Variants in PPP1R12A observed in about 807,000 individuals in gnomAD.
PPP1R12A encodes protein phosphatase 1 regulatory subunit 12A.
A neutral mutation model predicts 139.6 loss-of-function variants in PPP1R12A; 19 were observed. That is an observed-to-expected ratio of 0.14 (90% CI 0.09 to 0.20). The LOEUF (loss-of-function observed/expected upper bound fraction) is 0.20. Among genes scored for constraint, PPP1R12A ranks in the 10% least tolerant of loss-of-function variants. PPP1R12A has a pLI of 1.00. For missense variants in PPP1R12A, 925 were observed against 1,211.5 expected (o/e 0.76, Z 3.51); for synonymous variants, 427 against 420.6 (o/e 1.02, Z -0.19).
At chr12:79,784,117 G>A (rs377660767) in intron 22 of PPP1R12A, among the ~76,000 whole-genome samples, 13 of 151,588 alleles carry the variant, frequency 8.6e-5, no homozygotes, top group African/African-American at 2.9e-4. Flanking sequence ...AATATCTGAC[G>A]CAAATATTTG....
At chr12:79,919,573 T>G (rs934204739) in intron 1 of PPP1R12A, among the ~76,000 whole-genome samples, 1 of 151,602 alleles carries the variant, frequency 6.6e-6, no homozygotes, top group African/African-American at 2.4e-5. Context: ...AAAAAAAGTC[T>G]TCTCCCCTCC....
intron 4 of PPP1R12A, among the ~76,000 whole-genome samples, 165 bp from the exon 5 acceptor site, chr12:79,828,629 C>G (rs750956490): frequency 2.0e-5 from 3 of 151,998 alleles, no homozygotes; most frequent in Non-Finnish European, 4.4e-5. Context: ...CAAAGTAATT[C>G]TCAGAAAAAA....
At chr12:79,782,627 CAAAACAAA>C (rs1479616090) in intron 22 of PPP1R12A, 3 of 419,180 alleles carry the variant, frequency 7.2e-6, no homozygotes, top group Admixed American at 2.9e-5. Flanking sequence ...AGTTTAAGAA[CAAAACAAA>C]AAAAGAAAAA....
rs573892023 is a variant in PPP1R12A, at chr12:79,888,432, C to A, written c.238-15494G>T. Among the ~76,000 whole-genome samples the A allele has an allele frequency of 1.1e-4, 16 of 152,130 alleles. No homozygotes were observed. In the South Asian group the frequency reaches 3.3e-3, roughly 32 times the overall value. ...ACAAGCAGCATGTGTAAAAAGTGAT[C>A]AGAGAAAGCTACATCAGAACCCAGA... On this transcript the variant is annotated intron_variant, in intron 1 of 24. Coordinates refer to ENST00000450142, the MANE Select transcript of PPP1R12A (RefSeq NM_002480.3).
At chr12:79,902,451 G>A (rs1249479040) in intron 1 of PPP1R12A, among the ~76,000 whole-genome samples, 7 of 151,622 alleles carry the variant, frequency 4.6e-5, no homozygotes, top group African/African-American at 1.5e-4. Context: ...ACCTCAAATT[G>A]AAAAAAAGTG....
At chr12:79,821,296 T>A (rs914822833) in intron 6 of PPP1R12A, 130 bp from the exon 7 acceptor site, 12 of 626,166 alleles carry the variant, frequency 1.9e-5, no homozygotes, top group African/African-American at 3.8e-5. Context: ...ATAAATAAAT[T>A]AAGTTTTACC....
At chr12:79,861,614 T>C (rs1881328094) in intron 2 of PPP1R12A, among the ~76,000 whole-genome samples, 1 of 152,116 alleles carries the variant, frequency 6.6e-6, no homozygotes, top group Non-Finnish European at 1.5e-5. Flanking sequence ...GCCCAAATAC[T>C]GCACTTCTCC....
At chr12:79,879,770 G>A (rs1051368291) in intron 1 of PPP1R12A, among the ~76,000 whole-genome samples, 1 of 151,938 alleles carries the variant, frequency 6.6e-6, no homozygotes, top group African/African-American at 2.4e-5. Flanking sequence ...ATCTTTGTCG[G>A]GGTGATTTTT....
intron 2 of PPP1R12A, among the ~76,000 whole-genome samples, chr12:79,871,036 T>C (rs1882515690): frequency 6.6e-6 from 1 of 152,136 alleles, no homozygotes; most frequent in Non-Finnish European, 1.5e-5. Context: ...TAAAACACAA[T>C]TCTAGAGTTG....
chr12:79,821,029 T>A, intron 7 of PPP1R12A, 49 bp downstream of exon 7: 1 of 1,590,216 alleles, frequency 6.3e-7, no homozygotes. Flanking sequence ...GTGGCCACTA[T>A]GCCAACTCAT....
chr12:79,814,500 A>AAAAC (rs1875039464), intron 9 of PPP1R12A, among the ~76,000 whole-genome samples: 1 of 96,326 alleles, frequency 1.0e-5, no homozygotes, highest in Non-Finnish European at 1.8e-5. Context: ...AAAAAAAAAA[A>AAAAC]GGACTCCCCC....
At chr12:79,899,998 G>T (rs1017166925) in intron 1 of PPP1R12A, among the ~76,000 whole-genome samples, 10 of 151,944 alleles carry the variant, frequency 6.6e-5, no homozygotes, top group Non-Finnish European at 1.0e-4. Flanking sequence ...TATTTGTCTT[G>T]TCTCTATTAA....
At chr12:79,814,028 A>G (rs1486269714) in intron 9 of PPP1R12A, among the ~76,000 whole-genome samples, 1 of 152,220 alleles carries the variant, frequency 6.6e-6, no homozygotes, top group Non-Finnish European at 1.5e-5. Context: ...GCAATTAGAA[A>G]TTAACAACCT....
chr12:79,809,107 T>C (rs1048007542), intron 10 of PPP1R12A, among the ~76,000 whole-genome samples: 1 of 152,022 alleles, frequency 6.6e-6, no homozygotes, highest in Non-Finnish European at 1.5e-5. Context: ...TGGCATAAAA[T>C]ACCTGGAAAC....
intron 2 of PPP1R12A, chr12:79,849,010 A>T (rs933928225): frequency 2.0e-5 from 3 of 151,926 alleles, no homozygotes; most frequent in Non-Finnish European, 4.4e-5. Context: ...TATATATATA[A>T]AACTTAACTA....
At chr12:79,890,938 C>T (rs1002697203) in intron 1 of PPP1R12A, among the ~76,000 whole-genome samples, 3 of 149,982 alleles carry the variant, frequency 2.0e-5, no homozygotes, top group African/African-American at 7.3e-5. Context: ...CACACACACA[C>T]ACACATTCAC....
At chr12:79,883,836 G>T (rs35940476) in intron 1 of PPP1R12A, among the ~76,000 whole-genome samples, 15,755 of 152,178 alleles carry the variant, frequency 0.1, 2,200 homozygotes, top group African/African-American at 0.32. Flanking sequence ...ACCTTAGTCA[G>T]TAAACAGCTA....
intron 1 of PPP1R12A, among the ~76,000 whole-genome samples, chr12:79,911,320 A>C (rs1258942624): frequency 6.6e-6 from 1 of 152,056 alleles, no homozygotes; most frequent in East Asian, 1.9e-4. Flanking sequence ...TCTTCAGTGC[A>C]TTTTATCCTA....
chr12:79,881,583 A>AT (rs1883640309), intron 1 of PPP1R12A, among the ~76,000 whole-genome samples: 1 of 152,244 alleles, frequency 6.6e-6, no homozygotes, highest in South Asian at 2.1e-4. Flanking sequence ...AGCAATCTCC[A>AT]TATCATACAA....
Sources: allele counts gnomAD v4.1 joint callset (sites outside exome capture counted in the v4.1 genomes callset), GRCh38; gene constraint gnomAD v4.1.1; transcripts MANE v1.5; gene names NCBI Gene and HGNC (gene_info 2026-07-23, HGNC 2026-07-21).